ATP13A3: variants seen among roughly 807,000 people sequenced by gnomAD.
ATP13A3 encodes the protein polyamine-transporting ATPase 13A3.
A neutral mutation model predicts 158.1 loss-of-function variants in ATP13A3; 59 were observed. The observed-to-expected ratio is 0.37, with a 90% CI of 0.30 to 0.46. The LOEUF is 0.46. ATP13A3 is among the 20% of genes least tolerant of loss of function. ATP13A3 has a pLI of 1.00. For missense variants in ATP13A3, 1,166 were observed against 1,525.2 expected (o/e 0.76, Z 3.92); for synonymous variants, 491 against 504.3 (o/e 0.97, Z 0.35).
intron 24 of ATP13A3, among the ~76,000 whole-genome samples, chr3:194,430,663 A>AGT (rs1717149924): frequency 6.6e-6 from 1 of 152,178 alleles, no homozygotes; most frequent in Non-Finnish European, 1.5e-5. Flanking sequence ...AACCTGAAAC[A>AGT]TAACTGTTTA....
chr3:194,410,694 G>A (rs934571815), intron 33 of ATP13A3, among the ~76,000 whole-genome samples: 5 of 152,020 alleles, frequency 3.3e-5, no homozygotes, highest in Non-Finnish European at 7.4e-5. Context: ...TATTTTTAAG[G>A]GGCCTTATAA....
At chr3:194,452,373 T>A (rs1432918907) in intron 10 of ATP13A3, 1 of 152,166 alleles carries the variant, frequency 6.6e-6, no homozygotes, top group Non-Finnish European at 1.5e-5. Context: ...ATGCCTCTAA[T>A]CCCGGCTACT....
At chr3:194,428,231 A>AAAAAAAAAAAAAAAAAG (rs557252872) in intron 28 of ATP13A3, among the ~76,000 whole-genome samples, 3 of 141,790 alleles carry the variant, frequency 2.1e-5, no homozygotes, top group African/African-American at 8.4e-5. Flanking sequence ...AAAAAAAAAA[A>AAAAAAAAAAAAAAAAAG]AAAAAAGAAA....
In ATP13A3 at chr3:194,425,046, C is replaced by A. The variant is rs1577039758; in HGVS notation, c.3313+296G>T. Among the ~76,000 whole-genome samples, 7 of 152,326 alleles carry A rather than the reference C, an allele frequency of 4.6e-5. 2 individuals are homozygous for A. Among genetic ancestry groups the A allele is most frequent in the Admixed American group, 4.6e-4 (7 of 15,296 alleles). ...ACTCACCCAACAGTGGGCTGAGGAACCTCCGTCTCCACTTCCCATCCTAAC... is the reference window on the plus strand; with the variant it reads ...ACTCACCCAACAGTGGGCTGAGGAAACTCCGTCTCCACTTCCCATCCTAAC... On this transcript the variant is annotated intron_variant, in intron 30 of 33. Coordinates refer to ENST00000645319, the MANE Select transcript of ATP13A3 (RefSeq NM_001367549.1).
intron 33 of ATP13A3, among the ~76,000 whole-genome samples, chr3:194,410,308 A>C (rs1388231116): frequency 2.9e-5 from 4 of 140,040 alleles, no homozygotes; most frequent in Non-Finnish European, 4.6e-5. Flanking sequence ...AAAAAAAAAA[A>C]AAAAAAAAAA....
chr3:194,403,077 A>G lies in ATP13A3; in HGVS notation c.*2842T>C, dbSNP rs1317498239. Reference sequence around the variant, plus strand: ...TAGATATGTCAAAATTGCATGCATGAATATTTTCTAAAGCTTGAATTTTGC... The same window carrying G: ...TAGATATGTCAAAATTGCATGCATGGATATTTTCTAAAGCTTGAATTTTGC... On this transcript the variant is annotated 3_prime_UTR_variant, in exon 34 of 34. Transcript: ENST00000645319. 1 of 152,230 alleles carries G rather than the reference A, an allele frequency of 6.6e-6. No homozygotes were observed. Among genetic ancestry groups the G allele is most frequent in the Non-Finnish European group, 1.5e-5 (1 of 68,034 alleles). The allele number at this position is 152,230 out of a possible 1,614,324, so 9.4% of individuals were successfully genotyped here.
intron 6 of ATP13A3, chr3:194,459,223 C>CTA (rs1719462768): frequency 2.2e-6 from 1 of 445,386 alleles, no homozygotes; most frequent in Admixed American, 3.9e-5. Flanking sequence ...AACTCAGACT[C>CTA]AGTAGACTTT....
chr3:194,471,717 T>C (rs982458130), intron 2 of ATP13A3, among the ~76,000 whole-genome samples: 1 of 152,228 alleles, frequency 6.6e-6, no homozygotes, highest in Non-Finnish European at 1.5e-5. Flanking sequence ...CCAGGTTCTT[T>C]ACTACATTAC....
chr3:194,474,874 C>A (rs1720458128), intron 2 of ATP13A3, among the ~76,000 whole-genome samples: 1 of 152,202 alleles, frequency 6.6e-6, no homozygotes, highest in Non-Finnish European at 1.5e-5. Context: ...ACACTGGCCA[C>A]ACCGCTCAGA....
chr3:194,445,955 A>G (rs1018190432), intron 14 of ATP13A3, among the ~76,000 whole-genome samples: 2 of 152,234 alleles, frequency 1.3e-5, no homozygotes, highest in Admixed American at 1.3e-4. Flanking sequence ...CAATAAAATC[A>G]TACAGCAAAC....
chr3:194,440,929 C>T (rs1259080096), intron 16 of ATP13A3, among the ~76,000 whole-genome samples: 2 of 152,134 alleles, frequency 1.3e-5, no homozygotes, highest in East Asian at 3.9e-4. Flanking sequence ...AAACAAAAGA[C>T]AGGTAAAAAA....
Position 194,433,828 on chromosome 3 carries a change from G to T in ATP13A3, c.2189C>A (p.Thr730Asn). ...IIMQNKLKQETPAVLEDLHKA... is the reference protein window; with the variant it reads ...IIMQNKLKQENPAVLEDLHKA... Reference sequence around the variant, plus strand: ...ATGCAAATCTTCAAGTACTGCAGGGGTTTCTTGCTTTAATTTGTTCTGCAT... The same window carrying T: ...ATGCAAATCTTCAAGTACTGCAGGGTTTTCTTGCTTTAATTTGTTCTGCAT... Residue 730 changes from threonine (T) to asparagine (N), a missense_variant, in exon 21 of 34, where the codon ACC becomes AAC. This residue lies in a region of ATP13A3 where 997 missense variants were observed against 1,341.2 expected (regional missense o/e 0.74). Transcript: ENST00000645319. The T allele has an allele frequency of 6.2e-7, 1 of 1,614,030 alleles. No homozygotes were observed. Among genetic ancestry groups the T allele is most frequent in the Non-Finnish European group, 8.5e-7 (1 of 1,179,954 alleles).
At chr3:194,432,638 G>A (rs992290297) in intron 21 of ATP13A3, among the ~76,000 whole-genome samples, 3 of 152,142 alleles carry the variant, frequency 2.0e-5, no homozygotes, top group East Asian at 1.9e-4. Context: ...CAAAGAAGAC[G>A]CAAGAACTAA....
At chr3:194,453,167 T>C (rs1718932359) in intron 10 of ATP13A3, 1 of 150,624 alleles carries the variant, frequency 6.6e-6, no homozygotes, top group Admixed American at 6.6e-5. Flanking sequence ...GAGAAAAAAT[T>C]AGCCAGGAAT....
chr3:194,449,219 AAAG>A (rs1718628044), intron 11 of ATP13A3, among the ~76,000 whole-genome samples: 1 of 152,194 alleles, frequency 6.6e-6, no homozygotes, highest in Admixed American at 6.5e-5. Context: ...TTCTTGCTTC[AAAG>A]AAGGCATGTG....
At chr3:194,481,115 C>T (rs1196681985) in intron 2 of ATP13A3, among the ~76,000 whole-genome samples, 1 of 152,024 alleles carries the variant, frequency 6.6e-6, no homozygotes, top group Non-Finnish European at 1.5e-5. Flanking sequence ...GCAGTGATTG[C>T]ACTTTATTCA....
Position 194,427,069 on chromosome 3 carries a change from A to T in ATP13A3, c.3125+6T>A. On this transcript the variant is annotated splice_donor_region_variant and intron_variant, in intron 29 of 33. Coordinates refer to ENST00000645319, the MANE Select transcript of ATP13A3 (RefSeq NM_001367549.1). Reference sequence around the variant, plus strand: ...TATAGATTTTTACATAGATTGACCAACTTACTCTGATTTTGGATGCCACAC... The same window carrying T: ...TATAGATTTTTACATAGATTGACCATCTTACTCTGATTTTGGATGCCACAC... 1 of 1,609,518 alleles carries T rather than the reference A, an allele frequency of 6.2e-7. No homozygotes were observed.
intron 2 of ATP13A3, among the ~76,000 whole-genome samples, chr3:194,476,181 T>G (rs965396632): frequency 6.6e-6 from 1 of 152,150 alleles, no homozygotes; most frequent in Non-Finnish European, 1.5e-5. Flanking sequence ...GCTGGGCAGG[T>G]AGCCAGGTTA....
intron 31 of ATP13A3, among the ~76,000 whole-genome samples, chr3:194,418,042 TGAAG>T (rs374456704): frequency 7.2e-5 from 10 of 138,828 alleles, no homozygotes; most frequent in South Asian, 2.3e-4. Flanking sequence ...AAAGAAGGAA[TGAAG>T]GAAGGAAGGA....
Sources: allele counts gnomAD v4.1 joint callset (sites outside exome capture counted in the v4.1 genomes callset), GRCh38; gene constraint gnomAD v4.1.1; regional missense constraint gnomAD v4.1.1; transcripts MANE v1.5; gene names NCBI Gene and HGNC (gene_info 2026-07-23, HGNC 2026-07-21).